CRYL1: variants seen among roughly 807,000 people sequenced by gnomAD.
CRYL1 encodes lambda-crystallin homolog.
CRYL1 carries 29 observed loss-of-function variants against 36.6 expected under a neutral mutation model. That is an observed-to-expected ratio of 0.79 (90% confidence interval 0.59 to 1.08). CRYL1 has a LOEUF of 1.08. CRYL1 is among the 50% of genes least tolerant of loss of function. The pLI, the probability that CRYL1 is intolerant of heterozygous loss-of-function variation, is 0.00. For synonymous variants in CRYL1, 152 were observed against 151.5 expected (o/e 1.00, Z -0.02); for missense variants, 411 against 407.9 (o/e 1.01, Z -0.06).
At chr13:20,431,316 C>T (rs755042442) in intron 5 of CRYL1, 54 of 985,314 alleles carry the variant, frequency 5.5e-5, no homozygotes, top group Non-Finnish European at 6.5e-5. Flanking sequence ...CCTCCCTACG[C>T]GGTGCAGCTG....
intron 2 of CRYL1, among the ~76,000 whole-genome samples, chr13:20,499,200 G>A (rs1247865341): frequency 6.6e-6 from 1 of 152,064 alleles, no homozygotes; most frequent in Non-Finnish European, 1.5e-5. Context: ...ACAAAAATTA[G>A]CTGGGTGTGA....
At chr13:20,409,307 C>T in intron 6 of CRYL1, among the ~76,000 whole-genome samples, 1 of 150,788 alleles carries the variant, frequency 6.6e-6, no homozygotes, top group East Asian at 1.9e-4. Flanking sequence ...AGGTAGAAAG[C>T]TGAAACTGGA....
chr13:20,418,346 C>T (rs2031722016), intron 5 of CRYL1: 1 of 152,138 alleles, frequency 6.6e-6, no homozygotes, highest in African/African-American at 2.4e-5. Context: ...GGAAGCAAGA[C>T]ACATCTAACA....
Position 20,441,932 on chromosome 13 carries a change from G to GA in CRYL1, c.277-2179dup, listed in dbSNP as rs898842634. 2.3e-3 allele frequency among the ~76,000 whole-genome samples: 339 copies of GA among 148,930 alleles called. 4 individuals carry two copies. The highest frequency in any genetic ancestry group is 7.4e-3 in the African/African-American group (302 of 40,688). ...GCATGAGCACCACATCTCAAAGACA[G>GA]AAAAAAAAAATCAGTCATTTAAGAA... On this transcript the variant is annotated intron_variant, in intron 3 of 7. Transcript: ENST00000298248.
chr13:20,411,535 C>G (rs1382018314), intron 6 of CRYL1, among the ~76,000 whole-genome samples: 1 of 152,138 alleles, frequency 6.6e-6, no homozygotes, highest in Non-Finnish European at 1.5e-5. Context: ...CGTCTGTATA[C>G]ATTTCAAATG....
At chr13:20,496,714 G>C (rs2033610217) in intron 2 of CRYL1, among the ~76,000 whole-genome samples, 1 of 151,658 alleles carries the variant, frequency 6.6e-6, no homozygotes, top group South Asian at 2.1e-4. Context: ...TCAGGAGTTT[G>C]AGACCAGCCT....
chr13:20,517,829 G>C (rs996741408), intron 1 of CRYL1, among the ~76,000 whole-genome samples: 1 of 145,664 alleles, frequency 6.9e-6, no homozygotes, highest in African/African-American at 2.5e-5. Flanking sequence ...CCAGCTACTC[G>C]GGAGGCTGAG....
intron 3 of CRYL1, among the ~76,000 whole-genome samples, chr13:20,456,196 G>A (rs957801331): frequency 7.9e-5 from 12 of 152,068 alleles, no homozygotes; most frequent in African/African-American, 2.2e-4. Context: ...TACAATGACC[G>A]GATGCAGTGG....
rs780171118 is a variant in CRYL1, at chr13:20,404,713, G to A, written c.768C>T (p.Ser256=). ...EGMLSYCDRY[S]EGIKHVLQTF... is the part of the protein sequence containing the mutation. ...TCTGTAGGACATGTTTTATGCCTTCGCTGTATCTGTCGCAGTAGCTTAACA... is the reference window on the plus strand; with the variant it reads ...TCTGTAGGACATGTTTTATGCCTTCACTGTATCTGTCGCAGTAGCTTAACA... Residue 256 remains serine (S), a synonymous_variant, in exon 7 of 8, where the codon AGC becomes AGT. Transcript: ENST00000298248. 6.8e-6 allele frequency: 11 copies of A among 1,613,274 alleles called. No homozygotes were observed. Among genetic ancestry groups the A allele is most frequent in the East Asian group, 2.2e-5 (1 of 44,886 alleles).
At chr13:20,437,269 G>A (rs927717618) in intron 4 of CRYL1, among the ~76,000 whole-genome samples, 8 of 151,930 alleles carry the variant, frequency 5.3e-5, no homozygotes, top group Admixed American at 2.0e-4. Flanking sequence ...AATTAACATC[G>A]GTTTTGTTTA....
chr13:20,469,102 G>A (rs114361971), intron 3 of CRYL1, among the ~76,000 whole-genome samples: 2,306 of 152,216 alleles, frequency 0.015, 52 homozygotes, highest in African/African-American at 0.051. Flanking sequence ...CCATAGATAC[G>A]ACCAACAACT....
intron 3 of CRYL1, among the ~76,000 whole-genome samples, chr13:20,485,598 G>A (rs1345542059): frequency 6.6e-6 from 1 of 152,002 alleles, no homozygotes; most frequent in Non-Finnish European, 1.5e-5. Context: ...GAGCCCAGGA[G>A]GTGGAGGTTG....
At chr13:20,439,948 T>C in intron 3 of CRYL1, 194 bp from the exon 4 acceptor site, 1 of 544,818 alleles carries the variant, frequency 1.8e-6, no homozygotes, top group Non-Finnish European at 3.3e-6. Flanking sequence ...CCTTCTGCTC[T>C]CTCCTCCCCT....
chr13:20,510,685 T>C (rs1037596735), intron 2 of CRYL1, among the ~76,000 whole-genome samples: 1 of 149,706 alleles, frequency 6.7e-6, no homozygotes, highest in Non-Finnish European at 1.5e-5. Flanking sequence ...TGATCTCAGC[T>C]CACTGCAATC....
chr13:20,451,441 A>T (rs1347613824), intron 3 of CRYL1, among the ~76,000 whole-genome samples: 1 of 152,212 alleles, frequency 6.6e-6, no homozygotes, highest in Non-Finnish European at 1.5e-5. Flanking sequence ...AAACAATTGA[A>T]CAAGCAACAA....
chr13:20,467,199 G>T (rs9509237), intron 3 of CRYL1, among the ~76,000 whole-genome samples: 145,573 of 151,454 alleles, frequency 0.96, 70,211 homozygotes, highest in East Asian at 1. Flanking sequence ...TGCCCACCTC[G>T]GCCTCCCAAA....
At chr13:20,485,513 C>CA (rs1486826415) in intron 3 of CRYL1, among the ~76,000 whole-genome samples, 7 of 151,832 alleles carry the variant, frequency 4.6e-5, no homozygotes, top group Non-Finnish European at 1.0e-4. Flanking sequence ...AAAATGTACA[C>CA]AAAAAATTAG....
intron 6 of CRYL1, among the ~76,000 whole-genome samples, chr13:20,410,889 G>A (rs926189941): frequency 3.9e-5 from 6 of 152,330 alleles, no homozygotes; most frequent in East Asian, 1.9e-4. Flanking sequence ...GTAAGGAGCC[G>A]GCCGGCTGGC....
chr13:20,496,013 C>G (rs2033599454), intron 2 of CRYL1, among the ~76,000 whole-genome samples: 2 of 152,242 alleles, frequency 1.3e-5, no homozygotes, highest in Non-Finnish European at 2.9e-5. Context: ...GTTGGCCAGG[C>G]TGGTCTTGAA....
Sources: allele counts gnomAD v4.1 joint callset (sites outside exome capture counted in the v4.1 genomes callset), GRCh38; gene constraint gnomAD v4.1.1; transcripts MANE v1.5; gene names NCBI Gene and HGNC (gene_info 2026-07-23, HGNC 2026-07-21).